The following TBC1D12 variants were observed in gnomAD, a reference collection of about 807,000 sequenced individuals.
The protein encoded by TBC1D12 is TBC1 domain family member 12.
A neutral mutation model predicts 86.7 loss-of-function variants in TBC1D12; 56 were observed. The observed-to-expected ratio is 0.65, with a 90% CI of 0.52 to 0.81. The LOEUF (loss-of-function observed/expected upper bound fraction) is 0.81. Among genes scored for constraint, TBC1D12 ranks in the 30% least tolerant of loss-of-function variants. The pLI is 0.00. For missense variants in TBC1D12, 1,023 were observed against 1,038.8 expected (o/e 0.98, Z 0.21); for synonymous variants, 421 against 411.7 (o/e 1.02, Z -0.27).
At chr10:94,449,246 C>T (rs1384555407) in intron 2 of TBC1D12, among the ~76,000 whole-genome samples, 1 of 152,124 alleles carries the variant, frequency 6.6e-6, no homozygotes, top group Non-Finnish European at 1.5e-5. Flanking sequence ...TGTATTCATC[C>T]TGTCTTTATC....
intron 6 of TBC1D12, among the ~76,000 whole-genome samples, chr10:94,502,410 A>T (rs1385201750): frequency 6.6e-6 from 1 of 151,962 alleles, no homozygotes; most frequent in Non-Finnish European, 1.5e-5. Context: ...AGAGGAAAGT[A>T]AAATAGTTTA....
intron 7 of TBC1D12, chr10:94,509,886 TATA>T (rs2056506180): frequency 6.1e-6 from 3 of 495,228 alleles, no homozygotes; most frequent in Non-Finnish European, 7.0e-6. Flanking sequence ...TCCTTTACCA[TATA>T]ACTTTCTGAT....
At chr10:94,448,481 A>G (rs542488810) in intron 2 of TBC1D12, among the ~76,000 whole-genome samples, 12 of 152,240 alleles carry the variant, frequency 7.9e-5, no homozygotes, top group African/African-American at 2.9e-4. Context: ...TTATTCTTTA[A>G]AAATTTTGTT....
chr10:94,527,088 G>GTGTGTGTT (rs1842310593), intron 11 of TBC1D12, among the ~76,000 whole-genome samples: 2 of 151,744 alleles, frequency 1.3e-5, no homozygotes, highest in African/African-American at 4.8e-5. Context: ...TTGATTGTGT[G>GTGTGTGTT]TGTGTGTGTG....
At chr10:94,522,823 A>G (rs1370779886) in intron 11 of TBC1D12, among the ~76,000 whole-genome samples, 1 of 152,026 alleles carries the variant, frequency 6.6e-6, no homozygotes, top group African/African-American at 2.4e-5. Context: ...TGGTGGGTGG[A>G]TCACGAGGTC....
intron 2 of TBC1D12, among the ~76,000 whole-genome samples, chr10:94,443,855 A>T (rs1057454741): frequency 6.6e-6 from 1 of 152,188 alleles, no homozygotes; most frequent in Non-Finnish European, 1.5e-5. Flanking sequence ...CACATGCCCA[A>T]ATTGGTAATT....
intron 4 of TBC1D12, 115 bp from the exon 5 acceptor site, chr10:94,496,940 C>G (rs777631021): frequency 2.0e-6 from 1 of 501,932 alleles, no homozygotes; most frequent in Non-Finnish European, 3.3e-6. Flanking sequence ...TCCTTCCTTC[C>G]TCTTATGATA....
intron 3 of TBC1D12, among the ~76,000 whole-genome samples, chr10:94,482,051 A>T (rs1014989258): frequency 6.6e-6 from 1 of 152,188 alleles, no homozygotes; most frequent in African/African-American, 2.4e-5. Flanking sequence ...AAGGTTTATT[A>T]CATAGGTAAA....
In TBC1D12 at chr10:94,500,392, A is replaced by AT. The variant is rs1382525813; in HGVS notation, c.1519+67dup. The AT allele has an allele frequency of 7.4e-6, 10 of 1,343,052 alleles. No homozygotes were observed. In the African/African-American group the frequency reaches 1.5e-4, roughly 20 times the overall value. 83.2% of individuals were successfully genotyped at this position (1,343,052 alleles called of 1,614,324 possible). ...AGCCATCTACAGAGTTACATAGCAG[A>AT]TTAGTAGAGTGACCATTAAAATAAA... On this transcript the variant is annotated intron_variant, in intron 6 of 12. Coordinates refer to ENST00000225235, the MANE Select transcript of TBC1D12 (RefSeq NM_015188.2).
intron 1 of TBC1D12, among the ~76,000 whole-genome samples, chr10:94,433,111 A>T (rs1295065519): frequency 6.6e-6 from 1 of 152,074 alleles, no homozygotes; most frequent in Non-Finnish European, 1.5e-5. Context: ...AGGCTGAGGC[A>T]GGAGAACCGC....
chr10:94,404,017 G>T (rs1405258596), intron 1 of TBC1D12, among the ~76,000 whole-genome samples: 2 of 152,166 alleles, frequency 1.3e-5, no homozygotes, highest in African/African-American at 4.8e-5. Context: ...CGGTATGTGT[G>T]TACGGGTGTG....
chr10:94,530,963 G>A (rs563742145), intron 11 of TBC1D12, among the ~76,000 whole-genome samples: 4 of 149,212 alleles, frequency 2.7e-5, no homozygotes, highest in Non-Finnish European at 4.4e-5. Context: ...GGGTTCGAGC[G>A]ATTCTCCTGC....
chr10:94,444,898 A>AT (rs1037753667), intron 2 of TBC1D12, among the ~76,000 whole-genome samples: 40 of 150,110 alleles, frequency 2.7e-4, no homozygotes, highest in African/African-American at 8.6e-4. Flanking sequence ...CGCCTGGCTA[A>AT]TTTTTTTGTA....
intron 1 of TBC1D12, among the ~76,000 whole-genome samples, chr10:94,426,771 T>G (rs999442236): frequency 6.6e-6 from 1 of 152,008 alleles, no homozygotes; most frequent in African/African-American, 2.4e-5. Context: ...AGAGACAGAG[T>G]TTCACCATCT....
chr10:94,498,956 A>G (rs547391928), intron 5 of TBC1D12, among the ~76,000 whole-genome samples: 1 of 151,710 alleles, frequency 6.6e-6, no homozygotes, highest in Non-Finnish European at 1.5e-5. Context: ...TTTTTTATAG[A>G]TATGGGGTCT....
intron 1 of TBC1D12, among the ~76,000 whole-genome samples, chr10:94,414,600 CT>C (rs71031575): frequency 6.0e-4 from 81 of 134,952 alleles, no homozygotes; most frequent in Middle Eastern, 4.0e-3. Flanking sequence ...TACTGTGAAA[CT>C]TTTTTTTTTT....
chr10:94,406,386 A>G (rs960382238), intron 1 of TBC1D12, among the ~76,000 whole-genome samples: 5 of 152,090 alleles, frequency 3.3e-5, no homozygotes, highest in African/African-American at 1.2e-4. Context: ...GAATGTCAAG[A>G]CTCTAGGAGT....
chr10:94,455,827 A>G (rs770396812), intron 2 of TBC1D12, among the ~76,000 whole-genome samples: 1 of 152,124 alleles, frequency 6.6e-6, no homozygotes, highest in Non-Finnish European at 1.5e-5. Flanking sequence ...ACATGGTGGC[A>G]TGCGCCTGTA....
intron 12 of TBC1D12, among the ~76,000 whole-genome samples, chr10:94,532,105 C>T (rs1013907232): frequency 4.0e-5 from 6 of 151,544 alleles, no homozygotes; most frequent in African/African-American, 1.5e-4. Context: ...TTGTCTCAAT[C>T]TCCTGACCTT....
Sources: gnomAD v4.1 joint callset for allele counts (sites outside exome capture counted in the v4.1 genomes callset) on GRCh38, gnomAD v4.1.1 for gene constraint, MANE v1.5 for transcripts, NCBI Gene and HGNC (gene_info 2026-07-23, HGNC 2026-07-21) for gene names.